Variants in C4orf33 observed in about 807,000 individuals in gnomAD.
C4orf33 encodes chromosome 4 open reading frame 33.
Under a neutral mutation model 24.3 loss-of-function variants are expected in C4orf33, and 20 were observed. The ratio of observed to expected loss-of-function variants is 0.82; its 90% CI spans 0.58 to 1.19. The LOEUF is 1.19. C4orf33 is among the 50% of genes most tolerant of loss of function. C4orf33 has a pLI of 0.00. For missense variants in C4orf33, 207 were observed against 225.9 expected (o/e 0.92, Z 0.54); for synonymous variants, 67 against 76.4 (o/e 0.88, Z 0.64).
chr4:129,110,698 CTCTT>C (rs1471429110), intron 5 of C4orf33, among the ~76,000 whole-genome samples: 5 of 145,866 alleles, frequency 3.4e-5, no homozygotes, highest in Admixed American at 1.4e-4. Flanking sequence ...TCCTGCCATG[CTCTT>C]ACTTTATGCT....
chr4:129,107,474 T>C (rs996518695), intron 3 of C4orf33, among the ~76,000 whole-genome samples: 3 of 152,060 alleles, frequency 2.0e-5, no homozygotes, highest in African/African-American at 7.2e-5. Context: ...CCATTGCTCC[T>C]TTTGTAGGCT....
Position 129,115,314 on chromosome 4 carries a change from C to T in C4orf33, c.*3523C>T, listed in dbSNP as rs762456263. ...CTCTTAGGCCATTTTTCAATTCACC[C>T]ATTTTACTCTTTGATAGCACTTTAC... On this transcript the variant is annotated 3_prime_UTR_variant, in exon 6 of 6. Coordinates refer to ENST00000425929, the MANE Select transcript of C4orf33 (RefSeq NM_001099783.2). The T allele has an allele frequency of 6.6e-6, 1 of 152,134 alleles. No individual in the cohort carries two copies. Among genetic ancestry groups the T allele is most frequent in the Non-Finnish European group, 1.5e-5 (1 of 68,032 alleles). 9.4% of individuals were successfully genotyped at this position (152,134 alleles called of 1,614,324 possible). A position where few individuals can be genotyped will look rare whatever the true frequency, so the allele number is the denominator to read the frequency against.
At chr4:129,098,545 T>G (rs901825897) in intron 1 of C4orf33, among the ~76,000 whole-genome samples, 3 of 152,250 alleles carry the variant, frequency 2.0e-5, no homozygotes, top group Admixed American at 1.3e-4. Context: ...AAAGGTTTTC[T>G]CTACTAATGC....
Position 129,106,538 on chromosome 4 carries a change from G to A in C4orf33, c.182-49G>A, listed in dbSNP as rs771683972. The A allele has an allele frequency of 5.6e-6, 5 of 890,658 alleles. No homozygotes were observed. The East Asian group carries it at 1.1e-4, about 19-fold the overall frequency. 55.2% of individuals were successfully genotyped at this position (890,658 alleles called of 1,614,324 possible). ...CTAAAGGAATAAATTATTTATTGTT[G>A]GAAAGCAATATTAAATATCTCAATA... On this transcript the variant is annotated intron_variant, in intron 2 of 5. Transcript: ENST00000425929.
chr4:129,111,079 G>A (rs1200225396), intron 5 of C4orf33, among the ~76,000 whole-genome samples: 3 of 152,134 alleles, frequency 2.0e-5, no homozygotes, highest in Non-Finnish European at 4.4e-5. Context: ...ATTATACATT[G>A]GCCAGGACAG....
intron 1 of C4orf33, among the ~76,000 whole-genome samples, chr4:129,101,396 A>G (rs979077341): frequency 6.6e-5 from 10 of 152,182 alleles, no homozygotes; most frequent in African/African-American, 2.2e-4. Context: ...AAGATTTCAG[A>G]TAAAAGAAGT....
Position 129,109,539 on chromosome 4 carries a change from C to A in C4orf33, c.361C>A (p.Pro121Thr). 1.2e-6 allele frequency: 2 copies of A among 1,613,882 alleles called. No homozygotes were observed. The highest frequency in any genetic ancestry group is 2.2e-5 in the South Asian group (2 of 91,074). The change falls in exon 5 of 6, where the codon CCT becomes ACT. Residue 121 changes from proline to threonine, a missense_variant. By Grantham distance (38) the Pro-to-Thr change is conservative. Coordinates refer to ENST00000425929, the MANE Select transcript of C4orf33 (RefSeq NM_001099783.2). ...AAAATGGGAAGGCAAAGCTTATCTCCCTTGGAGTTATTTTCCACCAAATGT... is the reference window on the plus strand; with the variant it reads ...AAAATGGGAAGGCAAAGCTTATCTCACTTGGAGTTATTTTCCACCAAATGT... ...ETKWEGKAYL[P>T]WSYFPPNVTK... is the part of the protein sequence containing the mutation.
intron 1 of C4orf33, among the ~76,000 whole-genome samples, chr4:129,096,483 T>A (rs1049204333): frequency 1.8e-4 from 28 of 152,140 alleles, no homozygotes; most frequent in African/African-American, 6.8e-4. Context: ...ATTTGGAAAT[T>A]TTCCTTGCAG....
chr4:129,113,290 A>G lies in C4orf33; in HGVS notation c.*1499A>G, dbSNP rs559313598. 3 of 152,284 alleles carry G rather than the reference A, an allele frequency of 2.0e-5. No individual in the cohort carries two copies. In the South Asian group the frequency reaches 6.2e-4, roughly 32 times the overall value. 9.4% of individuals were successfully genotyped at this position (152,284 alleles called of 1,614,324 possible). On this transcript the variant is annotated 3_prime_UTR_variant, in exon 6 of 6. Coordinates refer to ENST00000425929, the MANE Select transcript of C4orf33 (RefSeq NM_001099783.2). ...AACATCTCTTAACTTTCTTTCATCTAGATAAGGCATTTCCTTTTCTTCCAA... is the reference window on the plus strand; with the variant it reads ...AACATCTCTTAACTTTCTTTCATCTGGATAAGGCATTTCCTTTTCTTCCAA...
intron 1 of C4orf33, among the ~76,000 whole-genome samples, chr4:129,099,401 A>G (rs923078542): frequency 6.6e-6 from 1 of 152,198 alleles, no homozygotes; most frequent in Non-Finnish European, 1.5e-5. Context: ...TATCTTTGTT[A>G]TTAGCCATTG....
intron 1 of C4orf33, chr4:129,102,058 T>C (rs1264375246): frequency 5.6e-5 from 1 of 17,822 alleles, no homozygotes; most frequent in Non-Finnish European, 4.7e-4. Context: ...ATTTATGGAG[T>C]TTTTTTTTAA....
intron 1 of C4orf33, among the ~76,000 whole-genome samples, chr4:129,097,885 T>C (rs910824784): frequency 2.6e-5 from 4 of 152,218 alleles, no homozygotes; most frequent in Admixed American, 6.5e-5. Flanking sequence ...TAATTTATTG[T>C]GGTTTTAGTT....
In C4orf33 at chr4:129,114,244, G is replaced by A. The variant is rs1385943454; in HGVS notation, c.*2453G>A. The A allele has an allele frequency of 6.6e-6, 1 of 152,096 alleles. No homozygotes were observed. The highest frequency in any genetic ancestry group is 1.9e-4 in the East Asian group (1 of 5,190). The allele number at this position is 152,096 out of a possible 1,614,324, so 9.4% of individuals were successfully genotyped here. A position where few individuals can be genotyped will look rare whatever the true frequency, so the allele number is the denominator to read the frequency against. ...ATGAACTACCCGGGATGTGTGAAGG[G>A]ACTAAAACACCCCATGGGGCACCTC... On this transcript the variant is annotated 3_prime_UTR_variant, in exon 6 of 6. Transcript: ENST00000425929.
chr4:129,105,013 A>C (rs942030335), intron 2 of C4orf33, among the ~76,000 whole-genome samples: 8 of 151,954 alleles, frequency 5.3e-5, no homozygotes, highest in Admixed American at 3.3e-4. Context: ...ATGTATAGTG[A>C]GAGAGAGAGT....
chr4:129,101,342 A>G (rs1240778123), intron 1 of C4orf33, among the ~76,000 whole-genome samples: 2 of 152,200 alleles, frequency 1.3e-5, no homozygotes, highest in African/African-American at 4.8e-5. Context: ...CATTAATTAT[A>G]GTAAAAGACT....
chr4:129,099,629 C>A (rs925143344), intron 1 of C4orf33, among the ~76,000 whole-genome samples: 15 of 152,104 alleles, frequency 9.9e-5, no homozygotes. Context: ...AGAAATAGAG[C>A]AGTGTATAGG....
At chr4:129,109,721 G>A (rs1404278016) in intron 5 of C4orf33, 49 bp downstream of exon 5, 26 of 1,490,542 alleles carry the variant, frequency 1.7e-5, no homozygotes, top group South Asian at 1.3e-4. Flanking sequence ...GAGTTTTTTC[G>A]AAATTAATTC....
At chr4:129,110,090 T>C (rs1380609789) in intron 5 of C4orf33, 3 of 758,102 alleles carry the variant, frequency 4.0e-6, no homozygotes, top group South Asian at 5.5e-5. Context: ...TCTCCTCTTC[T>C]GGTAACCTCA....
Position 129,106,559 on chromosome 4 carries a change from C to G in C4orf33, c.182-28C>G, listed in dbSNP as rs369388668. 2.6e-6 allele frequency: 3 copies of G among 1,155,664 alleles called. No individual in the cohort carries two copies. In the African/African-American group the frequency reaches 4.7e-5, roughly 18 times the overall value. The allele number at this position is 1,155,664 out of a possible 1,614,324, so 71.6% of individuals were successfully genotyped here. A position where few individuals can be genotyped will look rare whatever the true frequency, so the allele number is the denominator to read the frequency against. On this transcript the variant is annotated intron_variant, in intron 2 of 5. Transcript: ENST00000425929. ...TGTTGGAAAGCAATATTAAATATCT[C>G]AATATGTTATATCTCTGTTTTCAAA...
Sources: gnomAD v4.1 joint callset for allele counts (sites outside exome capture counted in the v4.1 genomes callset) on GRCh38, gnomAD v4.1.1 for gene constraint, MANE v1.5 for transcripts, NCBI Gene and HGNC (gene_info 2026-07-23, HGNC 2026-07-21) for gene names.